The following PKD1 variants were observed in gnomAD, a reference collection of about 807,000 sequenced individuals.
The protein encoded by PKD1 is polycystin-1.
Under a neutral mutation model 361.7 loss-of-function variants are expected in PKD1, and 81 were observed. That is an observed-to-expected ratio of 0.22 (90% CI 0.19 to 0.27). The LOEUF (loss-of-function observed/expected upper bound fraction) is 0.27, where lower values mean the gene tolerates loss of function less well. Among genes scored for constraint, PKD1 ranks in the 10% least tolerant of loss-of-function variants. The pLI, the probability that PKD1 is intolerant of heterozygous loss-of-function variation, is 1.00. For missense variants in PKD1, 6,399 were observed against 6,118.3 expected (o/e 1.05, Z -1.53); for synonymous variants, 3,615 against 2,818.3 (o/e 1.28, Z -8.95).
chr16:2,089,287 C>G lies in PKD1; in HGVS notation c.*440G>C, dbSNP rs547863566. On this transcript the variant is annotated 3_prime_UTR_variant, in exon 46 of 46. Transcript: ENST00000262304. ...TTTAACACCATATAAATTACTGACA[C>G]GAGACACACAGTGAGACGGTGCAGG... The G allele has an allele frequency of 5.4e-4, 116 of 216,460 alleles. No homozygotes were observed. Among genetic ancestry groups the G allele is most frequent in the African/African-American group, 2.4e-3 (105 of 43,596 alleles). 13.4% of individuals were successfully genotyped at this position (216,460 alleles called of 1,614,324 possible). A position where few individuals can be genotyped will look rare whatever the true frequency, so the allele number is the denominator to read the frequency against.
intron 1 of PKD1, among the ~76,000 whole-genome samples, chr16:2,132,752 G>C (rs1170943233): frequency 2.6e-5 from 4 of 151,536 alleles, no homozygotes; most frequent in Non-Finnish European, 4.4e-5. Flanking sequence ...CCTCCAAAAT[G>C]CTTGCAGATA....
Position 2,110,913 on chromosome 16 carries a change from G to T in PKD1, c.4254C>A (p.Thr1418=). 1 of 1,611,322 alleles carries T rather than the reference G, an allele frequency of 6.2e-7. No homozygotes were observed. The highest frequency in any genetic ancestry group is 8.5e-7 in the Non-Finnish European group (1 of 1,179,830). The stretch of plus-strand genomic sequence containing the variant: ...TGGCACGGGTGGGGGCGGCTTCCTC[G>T]GTGCCAAAGTCCCAGGTGTAGCGGT... ...FPYRYTWDFG[T]EEAAPTRARG... The change falls in exon 15 of 46, where the codon ACC becomes ACA. Residue 1418 remains threonine, a synonymous_variant. Transcript: ENST00000262304.
chr16:2,102,717 C>A, intron 24 of PKD1, 84 bp from the exon 25 acceptor site: 3 of 1,605,712 alleles, frequency 1.9e-6, no homozygotes, highest in South Asian at 2.2e-5. Flanking sequence ...CCGGTCCAGT[C>A]CCCTCGCTGC....
chr16:2,091,342 A>AGGGGGCGG (rs1567151473), intron 42 of PKD1, 81 bp downstream of exon 42: 2 of 501,226 alleles, frequency 4.0e-6, no homozygotes, highest in African/African-American at 4.1e-5. Flanking sequence ...GCGAGGGGTG[A>AGGGGGCGG]GACGCTGCCG....
In PKD1 at chr16:2,135,508, G is replaced by A. The variant is rs886038369; in HGVS notation, c.182C>T (p.Pro61Leu). The change falls in exon 1 of 46, where the codon CCC becomes CTC. Residue 61 changes from proline (P) to leucine (L), a missense_variant. By Grantham distance (98) the Pro-to-Leu change is moderately conservative. Coordinates refer to ENST00000262304, the MANE Select transcript of PKD1 (RefSeq NM_001009944.3). ...GGCGTCCGCGGGGATGCGCAGCGCG[G>A]GACCGAGCGTCCGCAGCCCGCGGCC... The part of the protein sequence containing the change: ...CSGRGLRTLG[P>L]ALRIPADATA... The A allele has an allele frequency of 1.0e-3, 1,221 of 1,170,080 alleles. 1 individual carries two copies. The highest frequency in any genetic ancestry group is 1.2e-3 in the Non-Finnish European group (1,179 of 947,276). The allele number at this position is 1,170,080 out of a possible 1,614,324, so 72.5% of individuals were successfully genotyped here. A position where few individuals can be genotyped will look rare whatever the true frequency, so the allele number is the denominator to read the frequency against.
intron 10 of PKD1, 152 bp downstream of exon 10, chr16:2,115,226 G>C (rs921773568): frequency 9.6e-7 from 1 of 1,042,438 alleles, no homozygotes; most frequent in Non-Finnish European, 1.4e-6. Context: ...AGAGGGCCGA[G>C]GGCACTGCAG....
rs1392083497 is a variant in PKD1, at chr16:2,115,070, C to G, written c.2098-145G>C. On this transcript the variant is annotated intron_variant, in intron 10 of 45. Transcript: ENST00000262304. The stretch of plus-strand genomic sequence containing the variant: ...CTCCCCACAGTGCTCGTGACAAGGA[C>G]AGGCAGGACAGTTGCAGACCGGGGG... 2.7e-6 allele frequency: 4 copies of G among 1,490,076 alleles called. No homozygotes were observed. In the African/African-American group the frequency reaches 5.5e-5, roughly 21 times the overall value. The allele number at this position is 1,490,076 out of a possible 1,614,324, so 92.3% of individuals were successfully genotyped here.
In PKD1 at chr16:2,110,019, C is replaced by G. The variant is rs372970971; in HGVS notation, c.5148G>C (p.Glu1716Asp). 3 of 1,610,398 alleles carry G rather than the reference C, an allele frequency of 1.9e-6. No individual in the cohort carries two copies. The highest frequency in any genetic ancestry group is 2.2e-5 in the East Asian group (1 of 44,892). ...CGGCCACCATCAGCCACCCCACAGG[C>G]TCCACGAAGTCCATGGTGCAGTCGG... Reference protein sequence around the residue: ...AWADCTMDFVEPVGWLMVAAS... With the variant: ...AWADCTMDFVDPVGWLMVAAS... Residue 1716 changes from glutamate to aspartate, a missense_variant, in exon 15 of 46, where the codon GAG becomes GAC. Transcript: ENST00000262304.
Position 2,116,648 on chromosome 16 carries a change from G to A in PKD1, c.1607-4C>T, listed in dbSNP as rs764695293. The A allele has an allele frequency of 2.2e-5, 33 of 1,489,984 alleles. No individual in the cohort carries two copies. The highest frequency in any genetic ancestry group is 3.9e-5 in the Admixed American group (2 of 51,932). 92.3% of individuals were successfully genotyped at this position (1,489,984 alleles called of 1,614,324 possible). ...TTCTCGGCATCCTGCACTGGGCCTGGGGTGGCGAGTGCACAGTGAGGCGCC... is the reference window on the plus strand; with the variant it reads ...TTCTCGGCATCCTGCACTGGGCCTGAGGTGGCGAGTGCACAGTGAGGCGCC... On this transcript the variant is annotated splice_polypyrimidine_tract_variant and splice_region_variant and intron_variant, in intron 7 of 45. Transcript: ENST00000262304.
chr16:2,115,242 G>GGAGGTCA (rs2092611607), intron 10 of PKD1, 136 bp downstream of exon 10: 1 of 1,069,646 alleles, frequency 9.3e-7, no homozygotes, highest in South Asian at 1.6e-5. Flanking sequence ...TGCAGAGGTC[G>GGAGGTCA]GAGGTCAGAG....
At position 2,090,656 on chromosome 16, in the gene PKD1, G is replaced by T. The variant is rs369982883; in HGVS notation, c.12138+18C>A. 3 of 1,611,210 alleles carry T rather than the reference G, an allele frequency of 1.9e-6. No homozygotes were observed. Among genetic ancestry groups the T allele is most frequent in the Non-Finnish European group, 2.5e-6 (3 of 1,179,784 alleles). On this transcript the variant is annotated intron_variant, in intron 44 of 45. Coordinates refer to ENST00000262304, the MANE Select transcript of PKD1 (RefSeq NM_001009944.3). ...TGAGCTGAGCTAAGACGCCCTCCCC[G>T]GCCGCGCAGTCACCTACCAGGATGG...
In PKD1 at chr16:2,090,914, C is replaced by T. The variant is rs549890969; in HGVS notation, c.11973G>A (p.Ala3991=). The T allele has an allele frequency of 1.1e-5, 18 of 1,590,354 alleles. No homozygotes were observed. Among genetic ancestry groups the T allele is most frequent in the East Asian group, 2.3e-5 (1 of 44,378 alleles). The change falls in exon 43 of 46, where the codon GCG becomes GCA. Residue 3991 remains alanine (A), a synonymous_variant. Coordinates refer to ENST00000262304, the MANE Select transcript of PKD1 (RefSeq NM_001009944.3). ...CCAAAAGCAGGAAGAGCAGCGAGGC[C>T]GCCAGGCCACGGGCTGCGGAGCTCA... The part of the protein sequence containing the change: ...AQLSSAARGL[A]ASLLFLLLVK...
At chr16:2,108,161 C>T (rs2092407977) in intron 15 of PKD1, 91 bp downstream of exon 15, 59 of 1,466,920 alleles carry the variant, frequency 4.0e-5, no homozygotes, top group Admixed American at 5.2e-5. Flanking sequence ...GCACTGAGGA[C>T]GGGCCAGCCC....
intron 23 of PKD1, 144 bp from the exon 24 acceptor site, chr16:2,103,114 C>T (rs555432546): frequency 1.5e-4 from 194 of 1,272,224 alleles, no homozygotes; most frequent in South Asian, 5.6e-4. Flanking sequence ...CCTGCTTCTC[C>T]GTGGCCCCCA....
At chr16:2,090,835 C>A in intron 43 of PKD1, 27 bp from the exon 44 acceptor site, 1 of 1,611,394 alleles carries the variant, frequency 6.2e-7, no homozygotes, top group Non-Finnish European at 8.5e-7. Flanking sequence ...TGTCTGCTTG[C>A]AGCCCTGGGG....
At chr16:2,104,094 C>T (rs1374682432) in intron 22 of PKD1, among the ~76,000 whole-genome samples, 199 bp from the exon 23 acceptor site, 3 of 7,960 alleles carry the variant, frequency 3.8e-4, no homozygotes, top group Non-Finnish European at 7.9e-4. Flanking sequence ...GGGATGAGGA[C>T]GAAGATGAGG....
In PKD1 at chr16:2,103,277, G is replaced by A. The variant is rs544100161; in HGVS notation, c.8780C>T (p.Thr2927Met). Residue 2927 changes from threonine to methionine, a missense_variant, in exon 23 of 46, where the codon ACG becomes ATG. Thr to Met is a moderately conservative substitution (Grantham distance 81). Coordinates refer to ENST00000262304, the MANE Select transcript of PKD1 (RefSeq NM_001009944.3). Reference sequence around the variant, plus strand: ...CCCGCTGCACGCACCGTCCAGCAGCGTATAGTTGAGCTGCAGATGCAGCCC... The same window carrying A: ...CCCGCTGCACGCACCGTCCAGCAGCATATAGTTGAGCTGCAGATGCAGCCC... Reference protein sequence around the residue: ...AAGLHLQLNYTLLDGHYLSEE... With the variant: ...AAGLHLQLNYMLLDGHYLSEE... 1.5e-4 allele frequency: 237 copies of A among 1,609,618 alleles called. 1 individual carries two copies. The East Asian group carries it at 3.8e-3, about 26-fold the overall frequency.
At position 2,115,587 on chromosome 16, in the gene PKD1, G is replaced by A. The variant is rs913959494; in HGVS notation, c.1888C>T (p.Pro630Ser). The A allele has an allele frequency of 5.0e-6, 8 of 1,595,122 alleles. No individual in the cohort carries two copies. In the African/African-American group the frequency reaches 9.5e-5, roughly 19 times the overall value. Residue 630 changes from proline to serine, a missense_variant, in exon 10 of 46, where the codon CCG (proline) becomes TCG (serine). Transcript: ENST00000262304. Reference protein sequence around the residue: ...ENGSEPESRSPDNRTQLAPAC... With the variant: ...ENGSEPESRSSDNRTQLAPAC... ...GGGGCCAGCTGGGTCCTGTTGTCCG[G>A]GGACCTGCTCTCAGGCTCGCTGCCG...
At chr16:2,120,040 C>T (rs1463837902) in intron 1 of PKD1, 6 of 587,630 alleles carry the variant, frequency 1.0e-5, no homozygotes, top group Middle Eastern at 4.5e-4. Flanking sequence ...AGTGAGACCC[C>T]GTATCTACAA....
Sources: gnomAD v4.1 joint callset for allele counts (sites outside exome capture counted in the v4.1 genomes callset) on GRCh38, gnomAD v4.1.1 for gene constraint, MANE v1.5 for transcripts, NCBI Gene and HGNC (gene_info 2026-07-23, HGNC 2026-07-21) for gene names.